Variants in GPR39 observed in about 807,000 individuals in gnomAD.
GPR39 encodes zinc sensing receptor.
GPR39 carries 23 observed loss-of-function variants against 18.4 expected under a neutral mutation model. The observed-to-expected ratio is 1.25, with a 90% CI of 0.90 to 1.77. The LOEUF is 1.77. Ranked by LOEUF, GPR39 falls within the 40% of genes most tolerant of loss-of-function variation. The pLI is 0.00. For synonymous variants in GPR39, 280 were observed against 257.9 expected, an observed-to-expected ratio of 1.09 and a Z score of -0.82; for missense variants, 647 against 602.4, an observed-to-expected ratio of 1.07 and a Z score of -0.78.
At chr2:132,523,265 C>T (rs1340719807) in intron 1 of GPR39, among the ~76,000 whole-genome samples, 1 of 152,192 alleles carries the variant, frequency 6.6e-6, no homozygotes, top group East Asian at 1.9e-4. Flanking sequence ...AAAAGACCAT[C>T]TTTTGTCACC....
chr2:132,516,110 C>T (rs114471715), intron 1 of GPR39, among the ~76,000 whole-genome samples: 2,314 of 152,168 alleles, frequency 0.015, 70 homozygotes, highest in African/African-American at 0.053. Context: ...CCTGGCAAGC[C>T]CGTGAAGGCT....
chr2:132,598,767 T>C (rs1306370350), intron 1 of GPR39, among the ~76,000 whole-genome samples: 1 of 152,084 alleles, frequency 6.6e-6, no homozygotes, highest in African/African-American at 2.4e-5. Context: ...CTAGAGGCAC[T>C]GGGCAGTCAA....
intron 1 of GPR39, among the ~76,000 whole-genome samples, chr2:132,612,759 A>G (rs1373203951): frequency 6.6e-6 from 1 of 152,254 alleles, no homozygotes; most frequent in Non-Finnish European, 1.5e-5. Context: ...AGCTGGTAGT[A>G]TAAGTCTTTA....
At chr2:132,580,134 A>G (rs1680597904) in intron 1 of GPR39, among the ~76,000 whole-genome samples, 1 of 152,252 alleles carries the variant, frequency 6.6e-6, no homozygotes, top group Non-Finnish European at 1.5e-5. Context: ...TTACCTGTGT[A>G]ACTTTAGGAT....
chr2:132,474,591 T>C (rs1219555378), intron 1 of GPR39, among the ~76,000 whole-genome samples: 1 of 152,208 alleles, frequency 6.6e-6, no homozygotes, highest in African/African-American at 2.4e-5. Context: ...GTGTTTATTT[T>C]TGATTGTACA....
At chr2:132,613,238 C>T (rs1681266288) in intron 1 of GPR39, among the ~76,000 whole-genome samples, 1 of 152,120 alleles carries the variant, frequency 6.6e-6, no homozygotes, top group African/African-American at 2.4e-5. Flanking sequence ...TCTTGTTGCA[C>T]TTGCTCTGTG....
At chr2:132,624,771 T>C (rs1325034138) in intron 1 of GPR39, among the ~76,000 whole-genome samples, 1 of 152,252 alleles carries the variant, frequency 6.6e-6, no homozygotes, top group Non-Finnish European at 1.5e-5. Context: ...TGATCCTCAC[T>C]GCTGTGTGCA....
chr2:132,437,093 G>T (rs1298729844), intron 1 of GPR39, among the ~76,000 whole-genome samples: 1 of 152,144 alleles, frequency 6.6e-6, no homozygotes, highest in African/African-American at 2.4e-5. Flanking sequence ...AGGCAGGTTG[G>T]CTACAGAGCT....
At chr2:132,531,625 AG>A (rs1679633281) in intron 1 of GPR39, among the ~76,000 whole-genome samples, 1 of 152,244 alleles carries the variant, frequency 6.6e-6, no homozygotes, top group African/African-American at 2.4e-5. Context: ...CAAATGTAAA[AG>A]AACAGAAATT....
chr2:132,507,994 T>C (rs1168298528), intron 1 of GPR39, among the ~76,000 whole-genome samples: 1 of 152,192 alleles, frequency 6.6e-6, no homozygotes, highest in African/African-American at 2.4e-5. Flanking sequence ...TCGTTGGCCA[T>C]GTGACTGAAT....
intron 1 of GPR39, among the ~76,000 whole-genome samples, chr2:132,558,457 G>A (rs1680193182): frequency 1.3e-5 from 2 of 152,088 alleles, no homozygotes; most frequent in Admixed American, 1.3e-4. Flanking sequence ...CTTTTTTGCT[G>A]TGAATTTCCA....
At chr2:132,631,571 C>T (rs1309047905) in intron 1 of GPR39, among the ~76,000 whole-genome samples, 1 of 152,224 alleles carries the variant, frequency 6.6e-6, no homozygotes, top group Non-Finnish European at 1.5e-5. Context: ...CTCCTGTGTG[C>T]ACCTCTCTTA....
chr2:132,644,480 A>G (rs1042588500), intron 1 of GPR39, among the ~76,000 whole-genome samples: 6 of 152,262 alleles, frequency 3.9e-5, no homozygotes, highest in African/African-American at 9.6e-5. Flanking sequence ...TGCAGATATG[A>G]GCATCATGAT....
chr2:132,437,226 A>G (rs888236467), intron 1 of GPR39, among the ~76,000 whole-genome samples: 3 of 152,038 alleles, frequency 2.0e-5, no homozygotes, highest in Non-Finnish European at 4.4e-5. Context: ...AACGATATTC[A>G]CCCATCCTTA....
chr2:132,470,821 C>T (rs1681017424), intron 1 of GPR39, among the ~76,000 whole-genome samples: 1 of 151,980 alleles, frequency 6.6e-6, no homozygotes, highest in Non-Finnish European at 1.5e-5. Flanking sequence ...AAATGATGGG[C>T]CAGCCTGTGA....
At position 132,437,652 on chromosome 2, in the gene GPR39, C is replaced by G. The variant is rs1010876272; in HGVS notation, c.856+19754C>G. ...ATGGGCTTCAGCTCTGAGTTAACCC[C>G]AGGTATTTACTGAATAGACATTATG... On this transcript the variant is annotated intron_variant, in intron 1 of 1. Coordinates refer to ENST00000329321, the MANE Select transcript of GPR39 (RefSeq NM_001508.3). 2.6e-5 allele frequency among the ~76,000 whole-genome samples: 4 copies of G among 152,160 alleles called. 1 individual carries two copies. In the East Asian group the frequency reaches 7.7e-4, roughly 29 times the overall value.
chr2:132,571,311 G>T (rs911952109), intron 1 of GPR39, among the ~76,000 whole-genome samples: 1 of 152,128 alleles, frequency 6.6e-6, no homozygotes, highest in Non-Finnish European at 1.5e-5. Context: ...TTCTGAATTG[G>T]TATGTAAATT....
At chr2:132,438,318 G>C (rs1280347236) in intron 1 of GPR39, among the ~76,000 whole-genome samples, 1 of 152,122 alleles carries the variant, frequency 6.6e-6, no homozygotes, top group Non-Finnish European at 1.5e-5. Flanking sequence ...TTTGTTTTTA[G>C]AGACAAGATC....
intron 1 of GPR39, among the ~76,000 whole-genome samples, chr2:132,626,937 A>G (rs191235022): frequency 2.4e-4 from 36 of 152,354 alleles, no homozygotes; most frequent in Non-Finnish European, 4.4e-4. Flanking sequence ...CAATATTAGA[A>G]ATAATTCTTT....
Sources: allele counts gnomAD v4.1 joint callset (sites outside exome capture counted in the v4.1 genomes callset), GRCh38; gene constraint gnomAD v4.1.1; transcripts MANE v1.5; gene names NCBI Gene and HGNC (gene_info 2026-07-23, HGNC 2026-07-21).